Variants in NELL2 observed in about 807,000 individuals in gnomAD.
The protein encoded by NELL2 is neural EGFL like 2, also known as protein kinase C-binding protein NELL2.
NELL2 carries 41 observed loss-of-function variants against 109.6 expected under a neutral mutation model. The ratio of observed to expected loss-of-function variants is 0.37; its 90% confidence interval spans 0.29 to 0.49. The LOEUF (loss-of-function observed/expected upper bound fraction) is 0.49. Among genes scored for constraint, NELL2 ranks in the 20% least tolerant of loss-of-function variants. The probability of loss-of-function intolerance (pLI) is 0.98; values close to 1 mark genes in which losing one functional copy is unlikely to be tolerated. For missense variants in NELL2, 900 were observed against 1,008.3 expected, an observed-to-expected ratio of 0.89 and a Z score of 1.45; for synonymous variants, 355 against 344.7, an observed-to-expected ratio of 1.03 and a Z score of -0.33.
At chr12:44,526,279 T>C (rs1448790489) in intron 16 of NELL2, among the ~76,000 whole-genome samples, 1 of 152,180 alleles carries the variant, frequency 6.6e-6, no homozygotes, top group Non-Finnish European at 1.5e-5. Flanking sequence ...AGGCAAAAGA[T>C]GATCATACAA....
At chr12:44,749,445 C>T (rs1007417155) in intron 9 of NELL2, among the ~76,000 whole-genome samples, 10 of 152,024 alleles carry the variant, frequency 6.6e-5, no homozygotes, top group African/African-American at 1.2e-4. Context: ...TGGCATTTCC[C>T]AACCTGGACA....
intron 1 of NELL2, among the ~76,000 whole-genome samples, chr12:44,921,051 T>C (rs1945864663): frequency 6.6e-6 from 1 of 152,292 alleles, no homozygotes; most frequent in Middle Eastern, 3.4e-3. Context: ...CACACTTTTA[T>C]AGTTAGCTGG....
At chr12:44,668,483 T>A (rs1948019530) in intron 12 of NELL2, among the ~76,000 whole-genome samples, 1 of 152,058 alleles carries the variant, frequency 6.6e-6, no homozygotes, top group African/African-American at 2.4e-5. Context: ...GATTGATCCA[T>A]CCTACCTACC....
rs1566084908 is a variant in NELL2, at chr12:44,648,733, T to TATA, written c.1444+16750_1444+16751insTAT. ...ATCATATATATATATATATATATATTTTTTTTTTTTTTTTTTTTTTGAGAC... is the reference window on the plus strand; with the variant it reads ...ATCATATATATATATATATATATATTATATTTTTTTTTTTTTTTTTTTTGAGAC... On this transcript the variant is annotated intron_variant, in intron 13 of 19. Transcript: ENST00000429094. Among the ~76,000 whole-genome samples the TATA allele has an allele frequency of 3.4e-3, 77 of 22,376 alleles. 1 individual carries two copies. In the East Asian group the frequency reaches 0.077, roughly 22 times the overall value. 14.7% of individuals were successfully genotyped at this position (22,376 alleles called of 152,430 possible).
chr12:44,614,507 TACTAGTG>T (rs1330567188), intron 13 of NELL2, among the ~76,000 whole-genome samples: 1 of 152,026 alleles, frequency 6.6e-6, no homozygotes, highest in East Asian at 1.9e-4. Flanking sequence ...CCTGATTTCA[TACTAGTG>T]ATGAGGCACA....
intron 2 of NELL2, among the ~76,000 whole-genome samples, chr12:44,861,690 G>A (rs1478091126): frequency 1.3e-5 from 2 of 152,230 alleles, no homozygotes; most frequent in Admixed American, 1.3e-4. Context: ...CACCAGGGCA[G>A]CGACCATGGA....
At chr12:44,571,040 C>T (rs948583421) in intron 15 of NELL2, among the ~76,000 whole-genome samples, 1 of 151,956 alleles carries the variant, frequency 6.6e-6, no homozygotes. Context: ...TTAATAGGCT[C>T]GAAGCACAGC....
intron 13 of NELL2, among the ~76,000 whole-genome samples, chr12:44,640,366 C>G (rs1031734333): frequency 3.3e-5 from 5 of 152,060 alleles, no homozygotes; most frequent in African/African-American, 1.2e-4. Context: ...ATACTTTGCC[C>G]CTGTGTCTGT....
intron 19 of NELL2, among the ~76,000 whole-genome samples, chr12:44,509,279 T>C (rs1439108233): frequency 2.0e-5 from 3 of 152,196 alleles, no homozygotes; most frequent in Non-Finnish European, 4.4e-5. Context: ...GCACTAAGTA[T>C]ATTAATAAAT....
chr12:44,712,264 C>G (rs141745215), intron 10 of NELL2, among the ~76,000 whole-genome samples: 1 of 152,028 alleles, frequency 6.6e-6, no homozygotes, highest in East Asian at 1.9e-4. Flanking sequence ...GCAAGGAATG[C>G]TTTCATAGAA....
At chr12:44,786,349 T>C (rs1461081714) in intron 3 of NELL2, among the ~76,000 whole-genome samples, 1 of 152,186 alleles carries the variant, frequency 6.6e-6, no homozygotes, top group Admixed American at 6.5e-5. Context: ...CCAGTTAGAA[T>C]GGCGATCATT....
At chr12:44,556,290 G>A (rs963390036) in intron 15 of NELL2, among the ~76,000 whole-genome samples, 1 of 152,210 alleles carries the variant, frequency 6.6e-6, no homozygotes, top group African/African-American at 2.4e-5. Context: ...TCTGTTCCAG[G>A]AAAGCAGGTG....
chr12:44,781,475 T>C (rs1038524197), intron 3 of NELL2, among the ~76,000 whole-genome samples: 2 of 151,802 alleles, frequency 1.3e-5, no homozygotes, highest in Non-Finnish European at 2.9e-5. Context: ...AAAAACAATA[T>C]TGAAGAAATA....
intron 13 of NELL2, among the ~76,000 whole-genome samples, chr12:44,644,604 G>GTGTGTATA (rs1241074750): frequency 6.2e-5 from 5 of 81,272 alleles, no homozygotes; most frequent in African/African-American, 2.8e-4. Flanking sequence ...ATATATATAT[G>GTGTGTATA]TATGTATATA....
intron 9 of NELL2, among the ~76,000 whole-genome samples, chr12:44,761,512 C>A (rs561735270): frequency 9.4e-4 from 143 of 152,240 alleles, no homozygotes; most frequent in Non-Finnish European, 1.7e-3. Context: ...TTCAACCCAG[C>A]AATCTCACTA....
At chr12:44,582,948 C>T (rs1388079103) in intron 15 of NELL2, among the ~76,000 whole-genome samples, 1 of 152,122 alleles carries the variant, frequency 6.6e-6, no homozygotes, top group Admixed American at 6.5e-5. Flanking sequence ...CCTTCTTGCT[C>T]TTGTGCTCAC....
At chr12:44,654,258 T>G (rs2136320982) in intron 13 of NELL2, among the ~76,000 whole-genome samples, 1 of 152,318 alleles carries the variant, frequency 6.6e-6, no homozygotes, top group South Asian at 2.1e-4. Flanking sequence ...AAAAGAAATG[T>G]GTGACAGCTT....
At chr12:44,612,911 G>A (rs1945675552) in intron 13 of NELL2, among the ~76,000 whole-genome samples, 1 of 151,884 alleles carries the variant, frequency 6.6e-6, no homozygotes, top group Non-Finnish European at 1.5e-5. Context: ...TTCAATAAAC[G>A]CTAAATAATT....
chr12:44,830,686 T>A (rs1943858587), intron 2 of NELL2, among the ~76,000 whole-genome samples: 1 of 152,032 alleles, frequency 6.6e-6, no homozygotes, highest in Non-Finnish European at 1.5e-5. Flanking sequence ...GTCTTGCTGC[T>A]CAGAGATTTT....
Sources: gnomAD v4.1 joint callset for allele counts (sites outside exome capture counted in the v4.1 genomes callset) on GRCh38, gnomAD v4.1.1 for gene constraint, MANE v1.5 for transcripts, NCBI Gene and HGNC (gene_info 2026-07-23, HGNC 2026-07-21) for gene names.